The following FIRRM variants were observed in gnomAD, a reference collection of about 807,000 sequenced individuals.
FIRRM encodes FIGNL1 interacting regulator of recombination and mitosis.
the FIRRM span, among the ~76,000 whole-genome samples, chr1:169,848,870 T>G: frequency 6.6e-6 from 1 of 152,252 alleles, no homozygotes; most frequent in Non-Finnish European, 1.5e-5. Flanking sequence ...TTTTTGAGAT[T>G]CATCAGAACA....
the FIRRM span, among the ~76,000 whole-genome samples, chr1:169,839,825 C>T: frequency 0.037 from 5,645 of 152,118 alleles, 174 homozygotes; most frequent in South Asian, 0.1. Context: ...ATGGTGTTTC[C>T]TAGGTTTTTT....
chr1:169,826,683 A>G, the FIRRM span, among the ~76,000 whole-genome samples: 1 of 152,156 alleles, frequency 6.6e-6, no homozygotes, highest in Admixed American at 6.5e-5. Flanking sequence ...TTTTAATAGA[A>G]ATAAGCTAGA....
At chr1:169,813,607 C>T in the FIRRM span, among the ~76,000 whole-genome samples, 2 of 152,096 alleles carry the variant, frequency 1.3e-5, no homozygotes, top group African/African-American at 2.4e-5. Flanking sequence ...GAAAACAGAA[C>T]GTTTTATTTG....
the FIRRM span, among the ~76,000 whole-genome samples, chr1:169,788,439 ATTG>A: frequency 6.6e-6 from 1 of 152,196 alleles, no homozygotes; most frequent in Non-Finnish European, 1.5e-5. Context: ...AGCTTAATTT[ATTG>A]TTAAGAATAC....
At chr1:169,787,378 T>G in the FIRRM span, among the ~76,000 whole-genome samples, 3 of 152,340 alleles carry the variant, frequency 2.0e-5, no homozygotes, top group East Asian at 5.8e-4. Flanking sequence ...CTCTGCTAAG[T>G]CAGTTTAGCA....
At chr1:169,813,355 A>G in the FIRRM span, among the ~76,000 whole-genome samples, 2 of 152,204 alleles carry the variant, frequency 1.3e-5, no homozygotes, top group Non-Finnish European at 2.9e-5. Flanking sequence ...ATCCAGGCAG[A>G]TGAATCTATA....
chr1:169,822,113 T>TATC, the FIRRM span, among the ~76,000 whole-genome samples: 1 of 152,134 alleles, frequency 6.6e-6, no homozygotes, highest in Non-Finnish European at 1.5e-5. Context: ...ACCAAGTAAA[T>TATC]ATCAGATGGG....
At chr1:169,851,703 T>C in the FIRRM span, 1 of 1,274,726 alleles carries the variant, frequency 7.8e-7, no homozygotes. Flanking sequence ...CCATGTGACT[T>C]CCAGAATTTG....
the FIRRM span, among the ~76,000 whole-genome samples, chr1:169,802,004 T>G: frequency 6.6e-6 from 1 of 152,380 alleles, no homozygotes; most frequent in East Asian, 1.9e-4. Flanking sequence ...TTTCTTTAGC[T>G]ACATTGTATT....
the FIRRM span, chr1:169,842,469 T>G: frequency 6.2e-7 from 1 of 1,614,074 alleles, no homozygotes; most frequent in African/African-American, 1.3e-5. Flanking sequence ...GGTGAAGCTT[T>G]GGATACAGGA....
At chr1:169,852,216 G>GA in the FIRRM span, 9 of 414,250 alleles carry the variant, frequency 2.2e-5, no homozygotes, top group South Asian at 5.9e-5. Flanking sequence ...AGTCTTTACT[G>GA]AACCACAGAA....
the FIRRM span, among the ~76,000 whole-genome samples, chr1:169,832,779 A>G: frequency 6.6e-6 from 1 of 151,836 alleles, no homozygotes; most frequent in African/African-American, 2.4e-5. Context: ...AATTTTTAAA[A>G]AAATTACTTG....
the FIRRM span, among the ~76,000 whole-genome samples, chr1:169,837,333 T>G: frequency 6.6e-6 from 1 of 152,214 alleles, no homozygotes; most frequent in Non-Finnish European, 1.5e-5. Context: ...GTTTCCTATG[T>G]CGCTTAAGGT....
chr1:169,799,014 C>T, the FIRRM span: 2 of 685,062 alleles, frequency 2.9e-6, no homozygotes, highest in African/African-American at 3.6e-5. Context: ...TCCGAGTCCC[C>T]ACATACCTCG....
At chr1:169,795,239 A>G in the FIRRM span, 3 of 1,531,756 alleles carry the variant, frequency 2.0e-6, no homozygotes, top group African/African-American at 1.4e-5. Context: ...TGTCACTTCT[A>G]CCTAGAGAAG....
chr1:169,806,817 C>A, the FIRRM span, among the ~76,000 whole-genome samples: 33 of 152,292 alleles, frequency 2.2e-4, 2 homozygotes, highest in Middle Eastern at 3.4e-3. Flanking sequence ...TGGTTAATTT[C>A]TCTGAACGTT....
chr1:169,827,297 TA>T, the FIRRM span: 1 of 1,038,522 alleles, frequency 9.6e-7, no homozygotes, highest in Non-Finnish European at 1.4e-6. Context: ...AAGAAATTTT[TA>T]TTAAGTTTCT....
At chr1:169,853,657 T>C in the FIRRM span, 1 of 1,586,186 alleles carries the variant, frequency 6.3e-7, no homozygotes, top group Non-Finnish European at 8.6e-7. Context: ...TTTGAGGTAT[T>C]GATTTTTTTT....
the FIRRM span, among the ~76,000 whole-genome samples, chr1:169,790,674 T>C: frequency 2.6e-5 from 4 of 152,206 alleles, no homozygotes; most frequent in Non-Finnish European, 4.4e-5. Context: ...TCTAATTCTC[T>C]TGGAGAATTG....
Sources: gnomAD v4.1 joint callset for allele counts (sites outside exome capture counted in the v4.1 genomes callset) on GRCh38, gnomAD v4.1.1 for gene constraint, MANE v1.5 for transcripts, NCBI Gene and HGNC (gene_info 2026-07-23, HGNC 2026-07-21) for gene names.